The following SPATA6L variants were observed in gnomAD, a reference collection of about 807,000 sequenced individuals.
The protein encoded by SPATA6L is spermatogenesis associated 6 like.
A neutral mutation model predicts 49.2 loss-of-function variants in SPATA6L; 68 were observed. The observed-to-expected ratio is 1.38, with a 90% CI of 1.14 to 1.69. The LOEUF (loss-of-function observed/expected upper bound fraction) is 1.69, where lower values mean the gene tolerates loss of function less well. SPATA6L is among the 40% of genes most tolerant of loss of function. The pLI, the probability that SPATA6L is intolerant of heterozygous loss-of-function variation, is 0.00. For synonymous variants in SPATA6L, 198 were observed against 165.7 expected (o/e 1.19, Z -1.50); for missense variants, 668 against 464.3 (o/e 1.44, Z -4.03).
At chr9:4,660,420 C>G (rs1407014832) in intron 2 of SPATA6L, among the ~76,000 whole-genome samples, 2 of 152,190 alleles carry the variant, frequency 1.3e-5, no homozygotes, top group African/African-American at 2.4e-5. Flanking sequence ...AGCCAACAGA[C>G]ACATGAAAAA....
chr9:4,660,734 A>G (rs1839453830), intron 2 of SPATA6L, among the ~76,000 whole-genome samples: 1 of 152,272 alleles, frequency 6.6e-6, no homozygotes, highest in African/African-American at 2.4e-5. Context: ...ATGCACACGT[A>G]TGTTTATTGC....
intron 9 of SPATA6L, among the ~76,000 whole-genome samples, chr9:4,609,141 G>C (rs1826044445): frequency 6.6e-6 from 1 of 151,586 alleles, no homozygotes; most frequent in Non-Finnish European, 1.5e-5. Context: ...ATCTGAAATT[G>C]TGGCAATAAT....
intron 4 of SPATA6L, chr9:4,633,620 C>T (rs1047567057): frequency 7.4e-5 from 12 of 162,276 alleles, no homozygotes; most frequent in South Asian, 1.9e-4. Context: ...AAGAAACAGA[C>T]TACTAAGGGA....
chr9:4,601,016 T>C (rs1823104861), intron 11 of SPATA6L, among the ~76,000 whole-genome samples: 1 of 152,228 alleles, frequency 6.6e-6, no homozygotes, highest in Non-Finnish European at 1.5e-5. Flanking sequence ...ACAATTTACT[T>C]GACGTCTTTG....
chr9:4,658,064 G>C (rs1473264459), intron 2 of SPATA6L, among the ~76,000 whole-genome samples: 1 of 152,136 alleles, frequency 6.6e-6, no homozygotes, highest in African/African-American at 2.4e-5. Context: ...GCCTGGAATA[G>C]GTCCTTCCCT....
intron 3 of SPATA6L, among the ~76,000 whole-genome samples, chr9:4,646,709 G>A (rs1247150460): frequency 6.6e-6 from 1 of 151,966 alleles, no homozygotes; most frequent in Non-Finnish European, 1.5e-5. Context: ...TCAAGAGAGT[G>A]GAATGAGAAT....
intron 3 of SPATA6L, among the ~76,000 whole-genome samples, chr9:4,652,450 A>G (rs992238101): frequency 6.6e-6 from 1 of 152,182 alleles, no homozygotes; most frequent in African/African-American, 2.4e-5. Flanking sequence ...AAACCTGAGA[A>G]TGAAATTTTT....
intron 11 of SPATA6L, among the ~76,000 whole-genome samples, chr9:4,603,302 C>T (rs1396133079): frequency 1.3e-5 from 2 of 152,090 alleles, no homozygotes; most frequent in African/African-American, 4.8e-5. Context: ...TGGTTGTGCA[C>T]ACCTGTAATC....
Position 4,662,846 on chromosome 9 carries a change from C to A in SPATA6L, c.40-810G>T. ...GCACCCTCTACTGCCTGTGCAGGAG[C>A]GACAGCTGGGCCGGGCGCGAGGTGC... is the stretch of plus-strand genomic sequence containing the variant. On this transcript the variant is annotated intron_variant, in intron 1 of 11. Transcript: ENST00000682582. This position sits in a 1 kb window ranked among gnomAD's most constrained non-coding sequence, Gnocchi z 4.9. 3 of 1,605,194 alleles carry A rather than the reference C, an allele frequency of 1.9e-6. No homozygotes were observed. The highest frequency in any genetic ancestry group is 1.7e-5 in the Admixed American group (1 of 60,020).
chr9:4,649,699 T>C (rs1302456462), intron 3 of SPATA6L, among the ~76,000 whole-genome samples: 1 of 152,202 alleles, frequency 6.6e-6, no homozygotes, highest in Non-Finnish European at 1.5e-5. Context: ...CACCTTTTAA[T>C]TGCCTTCTGG....
At chr9:4,619,313 T>C (rs1032619081) in intron 7 of SPATA6L, among the ~76,000 whole-genome samples, 2 of 151,856 alleles carry the variant, frequency 1.3e-5, no homozygotes, top group Admixed American at 1.3e-4. Context: ...CCCGCCACCA[T>C]GCCCGGCCAA....
At chr9:4,664,887 A>G (rs886861580) in intron 1 of SPATA6L, 1 of 167,108 alleles carries the variant, frequency 6.0e-6, no homozygotes, top group Admixed American at 6.5e-5. Flanking sequence ...CTACCTCTTC[A>G]CTTGCTAAAG....
rs1564096515 is a variant in SPATA6L, at chr9:4,600,492, C to CAGA, written c.*318_*319insTCT. 5.6e-5 allele frequency: 1 copy of CAGA among 17,846 alleles called. No homozygotes were observed. The highest frequency in any genetic ancestry group is 2.2e-4 in the Non-Finnish European group (1 of 4,612). 1.1% of individuals were successfully genotyped at this position (17,846 alleles called of 1,614,324 possible). On this transcript the variant is annotated 3_prime_UTR_variant, in exon 12 of 12. Coordinates refer to ENST00000682582, the MANE Select transcript of SPATA6L (RefSeq NM_001353486.2). ...GAGAGACAGAGAGAGCCAGAGAGAGCCAGAGAGAGAGAGAGGGGAAGTGTT... is the reference window on the plus strand; with the variant it reads ...GAGAGACAGAGAGAGCCAGAGAGAGCAGACAGAGAGAGAGAGAGGGGAAGTGTT...
At position 4,629,633 on chromosome 9, in the gene SPATA6L, ATATTT is replaced by A. The variant is rs201821387; in HGVS notation, c.352-470_352-466del. ...CTACCTGCTTTGAAAAACTTGCTTT[ATATTT>A]TATATCAGATATTTATATTCATTAG... is the stretch of plus-strand genomic sequence containing the variant. On this transcript the variant is annotated intron_variant, in intron 4 of 11. Coordinates refer to ENST00000682582, the MANE Select transcript of SPATA6L (RefSeq NM_001353486.2). 5.5e-3 allele frequency among the ~76,000 whole-genome samples: 833 copies of A among 151,916 alleles called. 5 individuals are homozygous for A. The highest frequency in any genetic ancestry group is 0.016 in the African/African-American group (680 of 41,426).
intron 3 of SPATA6L, among the ~76,000 whole-genome samples, chr9:4,655,252 G>A (rs1178015753): frequency 1.3e-5 from 2 of 152,194 alleles, no homozygotes; most frequent in African/African-American, 4.8e-5. Context: ...TAATATGGAT[G>A]AATCTTGAAA....
chr9:4,619,166 T>G (rs867864820), intron 7 of SPATA6L, among the ~76,000 whole-genome samples: 122 of 147,714 alleles, frequency 8.3e-4, no homozygotes, highest in African/African-American at 3.0e-3. Context: ...TTTTTTTTTT[T>G]TTTTTTTTTG....
At chr9:4,635,739 G>A (rs1223424089) in intron 3 of SPATA6L, among the ~76,000 whole-genome samples, 1 of 152,180 alleles carries the variant, frequency 6.6e-6, no homozygotes, top group Non-Finnish European at 1.5e-5. Context: ...GGATAGAACA[G>A]GAACAAGGTG....
intron 3 of SPATA6L, among the ~76,000 whole-genome samples, chr9:4,644,076 G>C (rs1396736500): frequency 6.6e-6 from 1 of 151,206 alleles, no homozygotes; most frequent in Non-Finnish European, 1.5e-5. Flanking sequence ...GCAAGGCATG[G>C]TGGCTCATGC....
intron 4 of SPATA6L, among the ~76,000 whole-genome samples, chr9:4,632,243 G>A (rs1293630770): frequency 1.3e-5 from 2 of 151,392 alleles, no homozygotes; most frequent in East Asian, 3.9e-4. Flanking sequence ...TGAAACATCA[G>A]CTATTATCGA....
Sources: gnomAD v4.1 joint callset for allele counts (sites outside exome capture counted in the v4.1 genomes callset) on GRCh38, gnomAD v4.1.1 for gene constraint, Gnocchi (gnomAD v3.1) non-coding constraint, MANE v1.5 for transcripts, NCBI Gene and HGNC (gene_info 2026-07-23, HGNC 2026-07-21) for gene names.